Variants in UTRN observed in about 807,000 individuals in gnomAD.
UTRN encodes utrophin, also known as dystrophin-related protein 1.
Under a neutral mutation model 463.9 loss-of-function variants are expected in UTRN, and 283 were observed. The observed-to-expected ratio is 0.61, with a 90% CI of 0.55 to 0.67. The LOEUF is 0.67. Among genes scored for constraint, UTRN ranks in the 30% least tolerant of loss-of-function variants. UTRN has a pLI of 0.00. For synonymous variants in UTRN, 1,442 were observed against 1,431.5 expected, an observed-to-expected ratio of 1.01 and a Z score of -0.17; for missense variants, 3,922 against 4,084.3, an observed-to-expected ratio of 0.96 and a Z score of 1.08.
At chr6:144,780,221 A>C (rs113094620) in intron 60 of UTRN, among the ~76,000 whole-genome samples, 1 of 152,140 alleles carries the variant, frequency 6.6e-6, no homozygotes, top group African/African-American at 2.4e-5. Context: ...CAGTTTTTGC[A>C]TCAGGCGAAG....
chr6:144,464,692 GTT>G (rs1396783394), intron 23 of UTRN, among the ~76,000 whole-genome samples: 1 of 151,844 alleles, frequency 6.6e-6, no homozygotes, highest in South Asian at 2.1e-4. Context: ...TAGAGATGAG[GTT>G]TTACCATGTT....
intron 54 of UTRN, among the ~76,000 whole-genome samples, chr6:144,747,858 T>C (rs993068304): frequency 1.3e-5 from 2 of 152,232 alleles, no homozygotes; most frequent in Admixed American, 6.5e-5. Flanking sequence ...TTAATTATAC[T>C]TACCATTTCT....
intron 51 of UTRN, among the ~76,000 whole-genome samples, chr6:144,606,472 A>C (rs1804859185): frequency 6.6e-6 from 1 of 152,214 alleles, no homozygotes; most frequent in Non-Finnish European, 1.5e-5. Context: ...TGACATTTTC[A>C]ATATTTTCAT....
chr6:144,389,865 C>T (rs1428849980), intron 2 of UTRN, among the ~76,000 whole-genome samples: 1 of 152,220 alleles, frequency 6.6e-6, no homozygotes, highest in African/African-American at 2.4e-5. Context: ...TCCCAAAGTG[C>T]TGGGATTACA....
chr6:144,494,893 G>T lies in UTRN; in HGVS notation c.4593+1437G>T, dbSNP rs201334765. On this transcript the variant is annotated intron_variant, in intron 33 of 74. Coordinates refer to ENST00000367545, the MANE Select transcript of UTRN (RefSeq NM_007124.3). The stretch of plus-strand genomic sequence containing the variant: ...TAGCTAGACATAAAGGTTCTCTAAG[G>T]CCCCACCAGAGTAGCTAGATACAGA... 7.3e-4 allele frequency among the ~76,000 whole-genome samples: 109 copies of T among 149,750 alleles called. 1 individual carries two copies. In the East Asian group the frequency reaches 8.0e-3, roughly 11 times the overall value.
At chr6:144,846,941 C>T (rs1292613722) in intron 74 of UTRN, 114 bp downstream of exon 74, 1 of 1,423,750 alleles carries the variant, frequency 7.0e-7, no homozygotes, top group Admixed American at 1.8e-5. Context: ...AGTAAACTTA[C>T]TTGACATTTA....
intron 2 of UTRN, among the ~76,000 whole-genome samples, chr6:144,349,757 C>T (rs1777947971): frequency 6.6e-6 from 1 of 152,164 alleles, no homozygotes; most frequent in African/African-American, 2.4e-5. Context: ...CATGTTTTCA[C>T]TTGCGTTCTC....
intron 54 of UTRN, 35 bp from the exon 55 acceptor site, chr6:144,748,211 A>C (rs770044673): frequency 6.4e-7 from 1 of 1,572,012 alleles, no homozygotes; most frequent in Non-Finnish European, 8.6e-7. Context: ...ATAATCAGAC[A>C]TCCAAATTAT....
chr6:144,746,658 G>A (rs1369050682), intron 54 of UTRN, among the ~76,000 whole-genome samples: 1 of 149,532 alleles, frequency 6.7e-6, no homozygotes, highest in South Asian at 2.1e-4. Flanking sequence ...TATATTTTTA[G>A]TAGAGATGGG....
Position 144,746,479 on chromosome 6 carries a change from T to G in UTRN, c.7940-1767T>G, listed in dbSNP as rs1040281955. On this transcript the variant is annotated intron_variant, in intron 54 of 74. Transcript: ENST00000367545. ...CCTGTTTCTCTAATTCACTTATTTT[T>G]TTATTTTTATTTTTATTTTTTTGAG... Among the ~76,000 whole-genome samples the G allele has an allele frequency of 1.4e-4, 21 of 152,144 alleles. No homozygotes were observed. In the South Asian group the frequency reaches 3.5e-3, roughly 26 times the overall value.
At chr6:144,575,172 A>G (rs928221689) in intron 50 of UTRN, among the ~76,000 whole-genome samples, 1 of 152,100 alleles carries the variant, frequency 6.6e-6, no homozygotes, top group Admixed American at 6.6e-5. Flanking sequence ...TTGTCATCTA[A>G]ACATCTTCTA....
intron 39 of UTRN, 25 bp from the exon 40 acceptor site, chr6:144,521,955 A>ATATTT (rs1554278042): frequency 2.1e-6 from 2 of 942,196 alleles, no homozygotes; most frequent in South Asian, 3.0e-5. Context: ...ATATATATAT[A>ATATTT]TTTTTTTTTT....
chr6:144,498,568 C>T (rs1015923346), intron 33 of UTRN, among the ~76,000 whole-genome samples: 5 of 151,998 alleles, frequency 3.3e-5, no homozygotes, highest in Non-Finnish European at 7.4e-5. Flanking sequence ...TCTAAGATAT[C>T]TTATGTTCAA....
At chr6:144,462,055 C>T (rs527432176) in intron 22 of UTRN, among the ~76,000 whole-genome samples, 1 of 152,248 alleles carries the variant, frequency 6.6e-6, no homozygotes, top group South Asian at 2.1e-4. Context: ...TGCTTTCCCT[C>T]CCACCATGCC....
At chr6:144,576,797 A>T (rs1801480113) in intron 50 of UTRN, among the ~76,000 whole-genome samples, 2 of 152,194 alleles carry the variant, frequency 1.3e-5, no homozygotes, top group South Asian at 4.1e-4. Context: ...CCTACAACAT[A>T]TGGGGGAATA....
chr6:144,355,974 T>A (rs1778514113), intron 2 of UTRN, among the ~76,000 whole-genome samples: 1 of 152,252 alleles, frequency 6.6e-6, no homozygotes, highest in Non-Finnish European at 1.5e-5. Flanking sequence ...AACTTTTGAA[T>A]TCTTATATGT....
At position 144,436,146 on chromosome 6, in the gene UTRN, T is replaced by C. The variant is rs2114888166; in HGVS notation, c.1059+8T>C. 1.2e-6 allele frequency: 2 copies of C among 1,610,434 alleles called. No homozygotes were observed. Among genetic ancestry groups the C allele is most frequent in the Non-Finnish European group, 1.7e-6 (2 of 1,178,650 alleles). The stretch of plus-strand genomic sequence containing the variant: ...CAGTTTGCAACCCATGAAGTAAATA[T>C]CTGTAGTTTCTTAGCAGGGTGTGTC... On this transcript the variant is annotated splice_region_variant and intron_variant, in intron 10 of 74. Transcript: ENST00000367545.
In UTRN at chr6:144,320,189, C is replaced by T. The variant is rs541017863; in HGVS notation, c.79+28282C>T. On this transcript the variant is annotated intron_variant, in intron 2 of 74. Transcript: ENST00000367545. ...TTTAAAGGTGTAAATTCTGCAGACT[C>T]GGATAAAAATAATTATTCTATTGTG... Among the ~76,000 whole-genome samples, 5 of 152,226 alleles carry T rather than the reference C, an allele frequency of 3.3e-5. No homozygotes were observed. In the East Asian group the frequency reaches 5.8e-4, roughly 18 times the overall value.
chr6:144,419,792 A>G (rs533778848), intron 3 of UTRN, among the ~76,000 whole-genome samples: 18 of 152,310 alleles, frequency 1.2e-4, no homozygotes, highest in Admixed American at 7.2e-4. Context: ...CTGTGCTTCT[A>G]TAGCACTGGC....
Sources: gnomAD v4.1 joint callset for allele counts (sites outside exome capture counted in the v4.1 genomes callset) on GRCh38, gnomAD v4.1.1 for gene constraint, MANE v1.5 for transcripts, NCBI Gene and HGNC (gene_info 2026-07-23, HGNC 2026-07-21) for gene names.